ABLIM2: variants seen among roughly 807,000 people sequenced by gnomAD.
ABLIM2 encodes the protein actin binding LIM protein family member 2.
In ABLIM2, 53 loss-of-function variants were observed where a neutral mutation model predicts 97.7. The ratio of observed to expected loss-of-function variants is 0.54; its 90% CI spans 0.44 to 0.68. The LOEUF is 0.68. Among genes scored for constraint, ABLIM2 ranks in the 30% least tolerant of loss-of-function variants. The probability of loss-of-function intolerance (pLI) is 0.00; values close to 1 mark genes in which losing one functional copy is unlikely to be tolerated. For synonymous variants in ABLIM2, 361 were observed against 345.8 expected, an observed-to-expected ratio of 1.04 and a Z score of -0.49; for missense variants, 835 against 867.2, an observed-to-expected ratio of 0.96 and a Z score of 0.47.
chr4:8,058,993 C>A lies in ABLIM2; in HGVS notation c.763+1974G>T, dbSNP rs1231387541. Among the ~76,000 whole-genome samples, 2 of 152,104 alleles carry A rather than the reference C, an allele frequency of 1.3e-5. No individual in the cohort carries two copies. Among genetic ancestry groups the A allele is most frequent in the Admixed American group, 6.5e-5 (1 of 15,274 alleles). Reference sequence around the variant, plus strand: ...CCCAACCCTGCTCATTGGCTGCAACCCCCACTGTCTGCCATATTCAAAATC... The same window carrying A: ...CCCAACCCTGCTCATTGGCTGCAACACCCACTGTCTGCCATATTCAAAATC... On this transcript the variant is annotated intron_variant, in intron 7 of 20. Coordinates refer to ENST00000447017, the MANE Select transcript of ABLIM2 (RefSeq NM_001130083.2). The surrounding 1 kb of genome is among the most constrained non-coding windows in gnomAD (Gnocchi z 4.2).
chr4:8,059,336 T>C (rs980993720), intron 7 of ABLIM2, among the ~76,000 whole-genome samples: 21 of 151,728 alleles, frequency 1.4e-4, no homozygotes, highest in African/African-American at 4.4e-4. Flanking sequence ...CAGAAAAGCA[T>C]TGAAAACCAA....
intron 1 of ABLIM2, 98 bp from the exon 2 acceptor site, chr4:8,106,735 G>A: frequency 7.0e-7 from 1 of 1,433,624 alleles, no homozygotes; most frequent in Non-Finnish European, 9.3e-7. Context: ...GACCCTGCCA[G>A]CGGGCCCCGC....
At chr4:7,993,013 G>T (rs1453098140) in intron 16 of ABLIM2, 86 bp from the exon 17 acceptor site, 4 of 1,460,714 alleles carry the variant, frequency 2.7e-6, no homozygotes, top group South Asian at 2.4e-5. Context: ...TCCCACCGGG[G>T]TGGGCAAGGC....
chr4:8,008,995 A>T lies in ABLIM2; in HGVS notation c.1476+55T>A, dbSNP rs915394824. ...TCTCAATCGGAGAAGCCCTCACAAA[A>T]GCAATTTCTTTCTGAGCAAGGCTGT... On this transcript the variant is annotated intron_variant, in intron 15 of 20. Transcript: ENST00000447017. 9 of 1,603,082 alleles carry T rather than the reference A, an allele frequency of 5.6e-6. No homozygotes were observed. The African/African-American group carries it at 1.1e-4, about 19-fold the overall frequency.
At position 8,132,862 on chromosome 4, in the gene ABLIM2, C is replaced by T. The variant is rs145305371; in HGVS notation, c.10+25818G>A. Among the ~76,000 whole-genome samples the T allele has an allele frequency of 1.1e-3, 173 of 152,314 alleles. No homozygotes were observed. Among genetic ancestry groups the T allele is most frequent in the African/African-American group, 4.0e-3 (167 of 41,560 alleles). On this transcript the variant is annotated intron_variant, in intron 1 of 20. Coordinates refer to ENST00000447017, the MANE Select transcript of ABLIM2 (RefSeq NM_001130083.2). The surrounding 1 kb of genome is among the most constrained non-coding windows in gnomAD (Gnocchi z 8.0). Reference sequence around the variant, plus strand: ...AAAGTGTCCAGCCCCTACCCGGGCACGTGGTGGGCACTCGGTAATTGGCAT... The same window carrying T: ...AAAGTGTCCAGCCCCTACCCGGGCATGTGGTGGGCACTCGGTAATTGGCAT...
chr4:8,121,799 G>A (rs571844956), intron 1 of ABLIM2, among the ~76,000 whole-genome samples: 2 of 152,106 alleles, frequency 1.3e-5, no homozygotes, highest in African/African-American at 4.8e-5. Flanking sequence ...TCCAGTGGAT[G>A]GGGGGGTGAT....
rs1237705346 is a variant in ABLIM2, at chr4:8,023,681, C to T, written c.1268-3378G>A. On this transcript the variant is annotated intron_variant, in intron 12 of 20. Coordinates refer to ENST00000447017, the MANE Select transcript of ABLIM2 (RefSeq NM_001130083.2). The surrounding 1 kb of genome is among the most constrained non-coding windows in gnomAD (Gnocchi z 5.7). ...GTCCACATGTCAGGAGTGGGAGTTA[C>T]GACCCCCTCCTGGAGGACGAGGCAT... is the stretch of plus-strand genomic sequence containing the variant. Among the ~76,000 whole-genome samples the T allele has an allele frequency of 1.3e-5, 2 of 152,210 alleles. No homozygotes were observed. Among genetic ancestry groups the T allele is most frequent in the African/African-American group, 2.4e-5 (1 of 41,454 alleles).
At position 8,068,421 on chromosome 4, in the gene ABLIM2, T is replaced by TTAAGGGACGTCCCCACTG. The variant is rs1809497511; in HGVS notation, c.676-7385_676-7368dup. ...CAGTGCTGGGTCAGAGGGCAGCGGT[T>TTAAGGGACGTCCCCACTG]TAAGGGACGTCCCCACTGTGACGTG... On this transcript the variant is annotated intron_variant, in intron 6 of 20. Coordinates refer to ENST00000447017, the MANE Select transcript of ABLIM2 (RefSeq NM_001130083.2). The surrounding 1 kb of genome is among the most constrained non-coding windows in gnomAD (Gnocchi z 4.5). Among the ~76,000 whole-genome samples the TTAAGGGACGTCCCCACTG allele has an allele frequency of 6.6e-6, 1 of 152,014 alleles. No individual in the cohort carries two copies. The highest frequency in any genetic ancestry group is 2.1e-4 in the South Asian group (1 of 4,810).
At chr4:7,974,458 T>C (rs1272385524) in intron 20 of ABLIM2, among the ~76,000 whole-genome samples, 2 of 113,884 alleles carry the variant, frequency 1.8e-5, no homozygotes, top group Non-Finnish European at 3.5e-5. Flanking sequence ...CACTCATCCA[T>C]CCACCCACAC....
Position 8,045,189 on chromosome 4 carries a change from G to A in ABLIM2, c.875C>T (p.Ser292Leu). 6.2e-7 allele frequency: 1 copy of A among 1,614,006 alleles called. No homozygotes were observed. The highest frequency in any genetic ancestry group is 8.5e-7 in the Non-Finnish European group (1 of 1,179,864). The change falls in exon 9 of 21, where the codon TCA becomes TTA. Residue 292 changes from serine (S) to leucine (L), a missense_variant. Ser to Leu is a moderately radical substitution (Grantham distance 145). Coordinates refer to ENST00000447017, the MANE Select transcript of ABLIM2 (RefSeq NM_001130083.2). ...ATAAATCACACGGCTCGGAGACCCTGAGGTGCTGGAAGCAGGGACAGAAAT... is the reference window on the plus strand; with the variant it reads ...ATAAATCACACGGCTCGGAGACCCTAAGGTGCTGGAAGCAGGGACAGAAAT... ...SIISVPASSTSGSPSRVIYAK... is the reference protein window; with the variant it reads ...SIISVPASSTLGSPSRVIYAK...
chr4:8,110,412 T>G (rs1347825711), intron 1 of ABLIM2, among the ~76,000 whole-genome samples: 2 of 152,168 alleles, frequency 1.3e-5, no homozygotes, highest in Admixed American at 1.3e-4. Flanking sequence ...TGCTGTGACC[T>G]CAGGTGAGGC....
rs1846052510 is a variant in ABLIM2 at position 8,122,760 on chromosome 4, G to A, written c.11-16123C>T. Among the ~76,000 whole-genome samples, 1 of 152,156 alleles carries A rather than the reference G, an allele frequency of 6.6e-6. No individual in the cohort carries two copies. The highest frequency in any genetic ancestry group is 2.4e-5 in the African/African-American group (1 of 41,422). On this transcript the variant is annotated intron_variant, in intron 1 of 20. Transcript: ENST00000447017. The surrounding 1 kb of genome is among the most constrained non-coding windows in gnomAD (Gnocchi z 4.1). ...TTAGTTCTTTTCATCCTGCACAGCT[G>A]GGACCTGTCCTCTCTTCACCATTTA...
chr4:8,041,789 A>G lies in ABLIM2; in HGVS notation c.900+3375T>C, dbSNP rs138877650. Reference sequence around the variant, plus strand: ...CATGGTGGCGGGTGCCTGTTGTCCCAGCTACTCGGGAGGCCGAGGCAGGAG... The same window carrying G: ...CATGGTGGCGGGTGCCTGTTGTCCCGGCTACTCGGGAGGCCGAGGCAGGAG... On this transcript the variant is annotated intron_variant, in intron 9 of 20. Transcript: ENST00000447017. Among the ~76,000 whole-genome samples the G allele has an allele frequency of 3.1e-3, 465 of 152,212 alleles. 3 individuals carry two copies. Among genetic ancestry groups the G allele is most frequent in the African/African-American group, 0.01 (424 of 41,530 alleles).
At chr4:8,045,107 G>GC (rs1791444941) in intron 9 of ABLIM2, 57 bp downstream of exon 9, 1 of 1,516,650 alleles carries the variant, frequency 6.6e-7, no homozygotes, top group South Asian at 1.1e-5. Flanking sequence ...CGGCCACCGG[G>GC]CCCCCCTTCT....
chr4:7,973,190 C>A (rs140680311), intron 20 of ABLIM2, among the ~76,000 whole-genome samples: 152 of 151,404 alleles, frequency 1.0e-3, no homozygotes, highest in African/African-American at 3.6e-3. Context: ...GCAGGAGGAG[C>A]CTTGGCTGCT....
At chr4:7,967,774 C>T (rs1055319091) in intron 20 of ABLIM2, among the ~76,000 whole-genome samples, 1 of 152,240 alleles carries the variant, frequency 6.6e-6, no homozygotes, top group Non-Finnish European at 1.5e-5. Context: ...ACCCTGGAGC[C>T]TCAGTCTGCT....
In ABLIM2 at chr4:7,985,443, G is replaced by A. The variant is rs539171384; in HGVS notation, c.1681-550C>T. Among the ~76,000 whole-genome samples the A allele has an allele frequency of 4.6e-5, 7 of 152,220 alleles. No individual in the cohort carries two copies. The East Asian group carries it at 1.2e-3, about 25-fold the overall frequency. On this transcript the variant is annotated intron_variant, in intron 17 of 20. Transcript: ENST00000447017. ...TGGCCAAGGGGGAAGACTGGCTGCC[G>A]TCTTCTGGCACTGTGCACGGTTGTG...
chr4:8,131,988 G>T (rs917576515), intron 1 of ABLIM2, among the ~76,000 whole-genome samples: 1 of 145,412 alleles, frequency 6.9e-6, no homozygotes. Context: ...ACGGCAGCCC[G>T]CATCCCCTGC....
At chr4:8,055,840 C>T (rs1021308940) in intron 7 of ABLIM2, among the ~76,000 whole-genome samples, 9 of 152,202 alleles carry the variant, frequency 5.9e-5, no homozygotes, top group East Asian at 5.8e-4. Context: ...GGGCTGGGCG[C>T]GGTGGCTCAC....
Sources: allele counts gnomAD v4.1 joint callset (sites outside exome capture counted in the v4.1 genomes callset), GRCh38; gene constraint gnomAD v4.1.1; non-coding constraint Gnocchi (gnomAD v3.1); transcripts MANE v1.5; gene names NCBI Gene and HGNC (gene_info 2026-07-23, HGNC 2026-07-21).